Variants in TAF1D observed in about 807,000 individuals in gnomAD.
The protein encoded by TAF1D is TATA box-binding protein-associated factor RNA polymerase I subunit D.
TAF1D carries 23 observed loss-of-function variants against 26.2 expected under a neutral mutation model. The observed-to-expected ratio is 0.88, with a 90% CI of 0.63 to 1.25. The LOEUF (loss-of-function observed/expected upper bound fraction) is 1.25. Among genes scored for constraint, TAF1D ranks in the 50% most tolerant of loss-of-function variants. The pLI is 0.00. For synonymous variants in TAF1D, 100 were observed against 105.6 expected (o/e 0.95, Z 0.33); for missense variants, 299 against 322.0 (o/e 0.93, Z 0.55).
At chr11:93,739,024 T>TC (rs1941295475) in intron 2 of TAF1D, 1 of 544,092 alleles carries the variant, frequency 1.8e-6, no homozygotes, top group African/African-American at 1.9e-5. Context: ...ATACATTTTT[T>TC]CTCGACGAAT....
At chr11:93,734,098 CAG>C (rs1940109994), downstream of TAF1D, 1 of 152,984 alleles carries the variant, frequency 6.5e-6, no homozygotes, top group African/African-American at 2.4e-5. Flanking sequence ...AGTATTGCAA[CAG>C]AGGATGTTGT....
chr11:93,733,456 A>G (rs748963938), downstream of TAF1D: 1 of 518,374 alleles, frequency 1.9e-6, no homozygotes, highest in Non-Finnish European at 3.8e-6. Context: ...GTCTTTTTCA[A>G]ACTTTTAGCA....
downstream of TAF1D, chr11:93,731,319 C>T (rs1389371837): frequency 2.9e-6 from 1 of 342,936 alleles, no homozygotes; most frequent in Non-Finnish European, 5.7e-6. Flanking sequence ...TGAAACCCGG[C>T]ACCCCAAGTA....
At chr11:93,731,923 C>A, downstream of TAF1D, 1 of 431,998 alleles carries the variant, frequency 2.3e-6, no homozygotes, top group Admixed American at 2.6e-5. Context: ...CCTATAAGAG[C>A]TGAAAATTCC....
intron 3 of TAF1D, 102 bp downstream of exon 3, chr11:93,738,007 A>T: frequency 7.3e-7 from 1 of 1,363,078 alleles, no homozygotes. Context: ...AAAATTGCAG[A>T]CAGTCTGTTC....
chr11:93,737,245 T>C lies in TAF1D; in HGVS notation c.460-6A>G, dbSNP rs755455551. 27 of 1,588,846 alleles carry C rather than the reference T, an allele frequency of 1.7e-5. No individual in the cohort carries two copies. Among genetic ancestry groups the C allele is most frequent in the South Asian group, 2.3e-5 (2 of 86,330 alleles). On this transcript the variant is annotated splice_region_variant and splice_polypyrimidine_tract_variant and intron_variant, in intron 3 of 5. Transcript: ENST00000448108. ...AATCCTCTTGCAACAGCTTGCTATA[T>C]ATTAAAAACACCATAAGTATGTCGA... is the stretch of plus-strand genomic sequence containing the variant.
chr11:93,736,670 A>G, intron 5 of TAF1D, 24 bp downstream of exon 5: 1 of 1,608,670 alleles, frequency 6.2e-7, no homozygotes, highest in South Asian at 1.1e-5. Flanking sequence ...CCAAAATGGA[A>G]TAGGAAAAAA....
chr11:93,730,340 T>C lies in TAF1D; in HGVS notation c.*1111A>G. On this transcript the variant is annotated 3_prime_UTR_variant and NMD_transcript_variant, in exon 12 of 12. Transcript: ENST00000323981. Reference sequence around the variant, plus strand: ...ATTAGACAAAATTATTTAAAGTCAATAAATTGTTATTCGAGGAATTCCATG... The same window carrying C: ...ATTAGACAAAATTATTTAAAGTCAACAAATTGTTATTCGAGGAATTCCATG... 3.6e-6 allele frequency: 4 copies of C among 1,118,522 alleles called. No individual in the cohort carries two copies. The East Asian group carries it at 7.4e-5, about 21-fold the overall frequency. The allele number at this position is 1,118,522 out of a possible 1,614,324, so 69.3% of individuals were successfully genotyped here.
At chr11:93,733,769 T>C, downstream of TAF1D, 2 of 278,376 alleles carry the variant, frequency 7.2e-6, no homozygotes, top group Non-Finnish European at 1.4e-5. Flanking sequence ...GTGTTTCTCC[T>C]GCCTTAGCCT....
chr11:93,738,608 C>T, intron 2 of TAF1D, 109 bp from the exon 3 acceptor site: 2 of 1,189,626 alleles, frequency 1.7e-6, no homozygotes, highest in South Asian at 1.8e-5. Context: ...AGAAAACATG[C>T]CCAGAATTAA....
chr11:93,737,389 AT>A (rs1228896237), intron 3 of TAF1D, 150 bp from the exon 4 acceptor site: 2 of 483,412 alleles, frequency 4.1e-6, no homozygotes, highest in African/African-American at 4.0e-5. Flanking sequence ...TCAAATGCTG[AT>A]TATTAAAATT....
In TAF1D at chr11:93,736,062, T is replaced by C. The variant is rs1048293498; in HGVS notation, c.*99A>G. On this transcript the variant is annotated 3_prime_UTR_variant, in exon 6 of 6. Transcript: ENST00000448108. ...TTATAAAGTTCTGGGTTTCAGAATT[T>C]CTTCACCACCAGACTGGTACATATA... 10 of 1,501,300 alleles carry C rather than the reference T, an allele frequency of 6.7e-6. No homozygotes were observed. The Admixed American group carries it at 2.0e-4, about 31-fold the overall frequency. The allele number at this position is 1,501,300 out of a possible 1,614,324, so 93.0% of individuals were successfully genotyped here. A position where few individuals can be genotyped will look rare whatever the true frequency, so the allele number is the denominator to read the frequency against.
intron 2 of TAF1D, 122 bp from the exon 3 acceptor site, chr11:93,738,621 A>G (rs1012664883): frequency 1.0e-5 from 11 of 1,056,488 alleles, no homozygotes; most frequent in African/African-American, 1.6e-5. Context: ...AGAATTAAAA[A>G]TTTTTTAAAG....
chr11:93,730,891 T>C (rs1938529765), downstream of TAF1D: 1 of 459,046 alleles, frequency 2.2e-6, no homozygotes. Context: ...TCAAGAGATC[T>C]AGGAGAATTT....
At chr11:93,731,720 C>T (rs1938956120), downstream of TAF1D, 7 of 357,992 alleles carry the variant, frequency 2.0e-5, no homozygotes, top group South Asian at 1.3e-4. Flanking sequence ...ACAAAATAAC[C>T]TGCATGGCCT....
intron 2 of TAF1D, chr11:93,739,030 C>T (rs888216645): frequency 5.5e-6 from 3 of 544,578 alleles, no homozygotes; most frequent in Middle Eastern, 4.9e-4. Context: ...TTTTTCTCGA[C>T]GAATGTGTCC....
chr11:93,741,205 G>C (rs1239166906), intron 1 of TAF1D, 117 bp downstream of exon 1: 2 of 411,354 alleles, frequency 4.9e-6, no homozygotes, highest in African/African-American at 2.0e-5. Context: ...TCACCCTCTC[G>C]GACCGACTTC....
At chr11:93,731,906 A>T, downstream of TAF1D, 1 of 399,942 alleles carries the variant, frequency 2.5e-6, no homozygotes, top group South Asian at 1.9e-5. Context: ...CACATAAAAA[A>T]AGTGGTCCTA....
chr11:93,734,583 C>T (rs1344595934), downstream of TAF1D: 1 of 511,862 alleles, frequency 2.0e-6, no homozygotes, highest in African/African-American at 2.0e-5. Flanking sequence ...CTGTTTCCTA[C>T]ACATAAACAA....
Sources: gnomAD v4.1 joint callset for allele counts on GRCh38, gnomAD v4.1.1 for gene constraint, MANE v1.5 for transcripts, NCBI Gene and HGNC (gene_info 2026-07-23, HGNC 2026-07-21) for gene names.